PLA2G2C: variants seen among roughly 807,000 people sequenced by gnomAD.
The protein encoded by PLA2G2C is phospholipase A2 group IIC.
PLA2G2C carries 15 observed loss-of-function variants against 14.3 expected under a neutral mutation model. The ratio of observed to expected loss-of-function variants is 1.05; its 90% CI spans 0.70 to 1.62. PLA2G2C has a LOEUF of 1.62. Among genes scored for constraint, PLA2G2C ranks in the 40% most tolerant of loss-of-function variants. PLA2G2C has a pLI of 0.00. For synonymous variants in PLA2G2C, 79 were observed against 67.7 expected, an observed-to-expected ratio of 1.17 and a Z score of -0.82; for missense variants, 162 against 173.2, an observed-to-expected ratio of 0.94 and a Z score of 0.36.
intron 4 of PLA2G2C, among the ~76,000 whole-genome samples, chr1:20,168,815 T>G (rs779659005): frequency 2.1e-4 from 32 of 152,044 alleles, no homozygotes; most frequent in Non-Finnish European, 4.0e-4. Flanking sequence ...GAGCTTAAAG[T>G]CCCTTGCAAA....
intron 1 of PLA2G2C, among the ~76,000 whole-genome samples, chr1:20,178,914 C>T (rs768622492): frequency 4.6e-5 from 7 of 152,218 alleles, no homozygotes; most frequent in Non-Finnish European, 7.3e-5. Context: ...CATTAGTTCT[C>T]GAATGCTTCA....
At chr1:20,182,623 C>T (rs1359999627) in intron 1 of PLA2G2C, among the ~76,000 whole-genome samples, 4 of 152,242 alleles carry the variant, frequency 2.6e-5, no homozygotes, top group African/African-American at 4.8e-5. Flanking sequence ...AAACTTCCCT[C>T]TTGCAGATCC....
At chr1:20,165,019 G>A (rs1237779682) in intron 4 of PLA2G2C, among the ~76,000 whole-genome samples, 2 of 152,156 alleles carry the variant, frequency 1.3e-5, no homozygotes, top group African/African-American at 2.4e-5. Flanking sequence ...TTTCCTATTC[G>A]GGAAAGACAT....
At chr1:20,182,660 T>G (rs939799051) in intron 1 of PLA2G2C, among the ~76,000 whole-genome samples, 5 of 152,236 alleles carry the variant, frequency 3.3e-5, no homozygotes, top group Non-Finnish European at 7.3e-5. Flanking sequence ...ACAGGAGCCA[T>G]GACTAACTGC....
intron 4 of PLA2G2C, among the ~76,000 whole-genome samples, chr1:20,169,324 T>C (rs1224265845): frequency 6.6e-6 from 1 of 152,112 alleles, no homozygotes; most frequent in African/African-American, 2.4e-5. Context: ...ACTACAGGTA[T>C]GCACCACCAC....
intron 3 of PLA2G2C, among the ~76,000 whole-genome samples, chr1:20,174,573 T>G (rs190131921): frequency 2.2e-4 from 33 of 152,356 alleles, no homozygotes; most frequent in Admixed American, 1.9e-3. Context: ...ACAGCACTTT[T>G]ACTATGAGGA....
At chr1:20,181,943 C>T (rs2018284740) in intron 1 of PLA2G2C, among the ~76,000 whole-genome samples, 1 of 152,146 alleles carries the variant, frequency 6.6e-6, no homozygotes, top group Admixed American at 6.5e-5. Context: ...TCTGCCACTT[C>T]CTGACAGATT....
intron 1 of PLA2G2C, among the ~76,000 whole-genome samples, chr1:20,179,474 ATGTCAGCTTCTCCCTTTTG>A (rs1318776632): frequency 1.6e-5 from 2 of 125,550 alleles, no homozygotes; most frequent in Non-Finnish European, 3.2e-5. Flanking sequence ...TCTCCCTTGC[ATGTCAGCTTCTCCCTTTTG>A]TGTCAGCTTC....
chr1:20,174,866 T>G, intron 3 of PLA2G2C, 141 bp downstream of exon 3: 1 of 892,842 alleles, frequency 1.1e-6, no homozygotes, highest in South Asian at 1.8e-5. Flanking sequence ...ATCCTCCAAA[T>G]CCCGTTCAGT....
In PLA2G2C at chr1:20,177,371, G is replaced by A; in HGVS notation, c.-8C>T. 1.4e-6 allele frequency: 1 copy of A among 697,602 alleles called. No homozygotes were observed. The highest frequency in any genetic ancestry group is 2.6e-6 in the Non-Finnish European group (1 of 383,158). The allele number at this position is 697,602 out of a possible 1,614,324, so 43.2% of individuals were successfully genotyped here. ...GATGGCAATGACCTTCATTCCTGAG[G>A]AGACCAGGGGGTCTGAGGTTCTACA... On this transcript the variant is annotated 5_prime_UTR_variant, in exon 2 of 5. Transcript: ENST00000679259.
intron 1 of PLA2G2C, among the ~76,000 whole-genome samples, chr1:20,179,366 G>A (rs2018240140): frequency 6.6e-6 from 1 of 151,900 alleles, no homozygotes; most frequent in Non-Finnish European, 1.5e-5. Flanking sequence ...GTGCGTGTGT[G>A]TGTCAGCTTC....
At chr1:20,175,291 AC>A in intron 2 of PLA2G2C, 146 bp from the exon 3 acceptor site, 1 of 1,154,726 alleles carries the variant, frequency 8.7e-7, no homozygotes, top group Non-Finnish European at 1.2e-6. Flanking sequence ...GGCTGGAATC[AC>A]CAGCCTCTTT....
At chr1:20,173,023 C>T (rs764568873) in intron 3 of PLA2G2C, 126 bp from the exon 4 acceptor site, 5 of 650,224 alleles carry the variant, frequency 7.7e-6, no homozygotes, top group Non-Finnish European at 1.3e-5. Flanking sequence ...TAATATTAAA[C>T]ATAGGCCAGG....
chr1:20,172,479 T>G (rs554338992), intron 4 of PLA2G2C, among the ~76,000 whole-genome samples: 1 of 152,136 alleles, frequency 6.6e-6, no homozygotes, highest in South Asian at 2.1e-4. Context: ...AGGAAACATG[T>G]TCTCAACAGC....
At chr1:20,169,924 T>C (rs2018042422) in intron 4 of PLA2G2C, among the ~76,000 whole-genome samples, 1 of 152,222 alleles carries the variant, frequency 6.6e-6, no homozygotes, top group Admixed American at 6.5e-5. Flanking sequence ...CTGACCAGTT[T>C]GCTGCAGATC....
At chr1:20,185,493 G>A (rs1182793283) in intron 1 of PLA2G2C, among the ~76,000 whole-genome samples, 3 of 152,212 alleles carry the variant, frequency 2.0e-5, no homozygotes, top group African/African-American at 7.2e-5. Context: ...TGACTCAAGT[G>A]GCTGGAAGTG....
chr1:20,181,883 G>A (rs1030907423), intron 1 of PLA2G2C, among the ~76,000 whole-genome samples: 4 of 152,156 alleles, frequency 2.6e-5, no homozygotes, highest in Admixed American at 2.6e-4. Context: ...CTGCAAGGGT[G>A]GAGAGCAACT....
At chr1:20,169,560 A>C (rs1235484590) in intron 4 of PLA2G2C, among the ~76,000 whole-genome samples, 2 of 152,238 alleles carry the variant, frequency 1.3e-5, no homozygotes, top group African/African-American at 4.8e-5. Flanking sequence ...TCAAAGAAAC[A>C]GTAATAAAGA....
intron 1 of PLA2G2C, among the ~76,000 whole-genome samples, chr1:20,177,777 C>G (rs1193914031): frequency 6.6e-6 from 1 of 152,006 alleles, no homozygotes; most frequent in East Asian, 1.9e-4. Context: ...TAATAGAAAT[C>G]CCACACAGGA....
Sources: gnomAD v4.1 joint callset for allele counts (sites outside exome capture counted in the v4.1 genomes callset) on GRCh38, gnomAD v4.1.1 for gene constraint, MANE v1.5 for transcripts, NCBI Gene and HGNC (gene_info 2026-07-23, HGNC 2026-07-21) for gene names.